WNT7A: variants seen among roughly 807,000 people sequenced by gnomAD.
WNT7A encodes Wnt family member 7A, also known as protein Wnt-7a.
Under a neutral mutation model 28.2 loss-of-function variants are expected in WNT7A, and 16 were observed. The observed-to-expected ratio is 0.57, with a 90% confidence interval of 0.38 to 0.86. The LOEUF (loss-of-function observed/expected upper bound fraction) is 0.86. Among genes scored for constraint, WNT7A ranks in the 40% least tolerant of loss-of-function variants. The probability of loss-of-function intolerance (pLI) is 0.00; values close to 1 mark genes in which losing one functional copy is unlikely to be tolerated. For synonymous variants in WNT7A, 190 were observed against 195.9 expected (o/e 0.97, Z 0.25); for missense variants, 411 against 489.7 (o/e 0.84, Z 1.52).
rs758924444 is a variant in WNT7A, at chr3:13,819,364, G to T, written c.630C>A (p.Thr210=). 1 of 1,613,492 alleles carries T rather than the reference G, an allele frequency of 6.2e-7. No individual in the cohort carries two copies. Among genetic ancestry groups the T allele is most frequent in the Non-Finnish European group, 8.5e-7 (1 of 1,179,754 alleles). Reference sequence around the variant, plus strand: ...GCAGTGTGGTCCAGCACGTCTTGGTGGTGCACGAGCCTGACACGCCGTGGC... The same window carrying T: ...GCAGTGTGGTCCAGCACGTCTTGGTTGTGCACGAGCCTGACACGCCGTGGC... ...CKCHGVSGSC[T]TKTCWTTLPQ... The change falls in exon 4 of 4, where the codon ACC becomes ACA. Residue 210 remains threonine (T), a synonymous_variant. Transcript: ENST00000285018.
intron 2 of WNT7A, among the ~76,000 whole-genome samples, chr3:13,868,594 G>T (rs1223913167): frequency 9.1e-5 from 1 of 10,964 alleles, no homozygotes; most frequent in African/African-American, 4.2e-4. Flanking sequence ...GAGAGAGGGA[G>T]AAAGAAAGAA....
intron 3 of WNT7A, among the ~76,000 whole-genome samples, chr3:13,836,836 C>T (rs1318582902): frequency 6.6e-6 from 1 of 152,218 alleles, no homozygotes; most frequent in Non-Finnish European, 1.5e-5. Context: ...TGTGCCTGAG[C>T]AGGAGTGCAA....
chr3:13,856,960 A>AAGGAGAAGAAGAAGGAGAAGG (rs1294119465), intron 2 of WNT7A, among the ~76,000 whole-genome samples: 1 of 117,472 alleles, frequency 8.5e-6, no homozygotes, highest in Non-Finnish European at 1.6e-5. Context: ...GAAGAAGAAG[A>AAGGAGAAGAAGAAGGAGAAGG]AGAAGAAGGA....
chr3:13,845,288 G>A (rs9860045), intron 3 of WNT7A, among the ~76,000 whole-genome samples: 3,685 of 152,036 alleles, frequency 0.024, 155 homozygotes, highest in African/African-American at 0.084. Context: ...CCCTTACTCC[G>A]TGCCCGCCAC....
rs546145028 is a variant in WNT7A, at chr3:13,854,702, C to T, written c.400G>A (p.Asp134Asn). Reference sequence around the variant, plus strand: ...TGGTACTGGCCTTGCTTCTCTTTGTCGCAGCCACAGTCGCTCAGGTTGCCC... The same window carrying T: ...TGGTACTGGCCTTGCTTCTCTTTGTTGCAGCCACAGTCGCTCAGGTTGCCC... ...TQGNLSDCGC[D>N]KEKQGQYHRD... is the part of the protein sequence containing the mutation. Residue 134 changes from aspartate to asparagine, a missense_variant, in exon 3 of 4, where the codon GAC becomes AAC. Asp to Asn is a conservative substitution (Grantham distance 23). Transcript: ENST00000285018. The T allele has an allele frequency of 2.5e-5, 40 of 1,614,038 alleles. No homozygotes were observed. The highest frequency in any genetic ancestry group is 3.1e-5 in the Non-Finnish European group (36 of 1,180,046).
chr3:13,868,391 C>G (rs576523062), intron 2 of WNT7A, among the ~76,000 whole-genome samples: 5 of 151,588 alleles, frequency 3.3e-5, no homozygotes, highest in Admixed American at 2.0e-4. Flanking sequence ...GGAAGGATTG[C>G]TTGAGCCCAG....
chr3:13,836,234 A>T (rs2124840842), intron 3 of WNT7A, among the ~76,000 whole-genome samples: 1 of 149,900 alleles, frequency 6.7e-6, no homozygotes, highest in East Asian at 2.0e-4. Context: ...AAGAGACCCC[A>T]TTGGGCCAGT....
chr3:13,850,325 A>G (rs1694608823), intron 3 of WNT7A, among the ~76,000 whole-genome samples: 1 of 152,212 alleles, frequency 6.6e-6, no homozygotes, highest in African/African-American at 2.4e-5. Flanking sequence ...ATAGCTGAGC[A>G]GGCCTTATCT....
At chr3:13,831,420 G>A (rs111289861) in intron 3 of WNT7A, among the ~76,000 whole-genome samples, 78 of 152,334 alleles carry the variant, frequency 5.1e-4, no homozygotes, top group African/African-American at 1.8e-3. Flanking sequence ...AACTGGTATT[G>A]GAGTCCAGCA....
intron 3 of WNT7A, among the ~76,000 whole-genome samples, chr3:13,851,146 G>A (rs1694631107): frequency 6.6e-6 from 1 of 152,180 alleles, no homozygotes; most frequent in Non-Finnish European, 1.5e-5. Context: ...GCTGGGTTTA[G>A]GCACCAACCG....
chr3:13,868,653 A>G (rs1694957222), intron 2 of WNT7A, among the ~76,000 whole-genome samples: 2 of 13,322 alleles, frequency 1.5e-4, no homozygotes, highest in Admixed American at 5.2e-4. Flanking sequence ...GAAAGAAAAA[A>G]AGGAGGGAGG....
At chr3:13,856,963 A>AAGAAGAAGGAGAAGGAGAAGG (rs1559303383) in intron 2 of WNT7A, among the ~76,000 whole-genome samples, 1 of 115,306 alleles carries the variant, frequency 8.7e-6, no homozygotes, top group Non-Finnish European at 1.7e-5. Context: ...GAAGAAGAAG[A>AAGAAGAAGGAGAAGGAGAAGG]AGAAGGAGAA....
intron 3 of WNT7A, among the ~76,000 whole-genome samples, chr3:13,819,962 C>G (rs1694083499): frequency 6.6e-6 from 1 of 152,190 alleles, no homozygotes; most frequent in South Asian, 2.1e-4. Flanking sequence ...AACATTTTAC[C>G]CAACACCCAG....
At position 13,816,331 on chromosome 3, in the gene WNT7A, T is replaced by C. The variant is rs900687658; in HGVS notation, c.*2613A>G. On this transcript the variant is annotated 3_prime_UTR_variant, in exon 4 of 4. Coordinates refer to ENST00000285018, the MANE Select transcript of WNT7A (RefSeq NM_004625.4). Reference sequence around the variant, plus strand: ...GGATCCTCACAACAGCCCTGTGAGGTAGGTGTTATTCTGATTTCACAGGTG... The same window carrying C: ...GGATCCTCACAACAGCCCTGTGAGGCAGGTGTTATTCTGATTTCACAGGTG... 6.6e-6 allele frequency: 1 copy of C among 152,118 alleles called. No homozygotes were observed. The highest frequency in any genetic ancestry group is 1.5e-5 in the Non-Finnish European group (1 of 68,034). The allele number at this position is 152,118 out of a possible 1,614,324, so 9.4% of individuals were successfully genotyped here.
chr3:13,854,715 G>C lies in WNT7A; in HGVS notation c.387C>G (p.Ser129Arg). Residue 129 changes from serine to arginine, a missense_variant, in exon 3 of 4, where the codon AGC (serine) becomes AGG (arginine). Ser to Arg is a moderately radical substitution (Grantham distance 110). Coordinates refer to ENST00000285018, the MANE Select transcript of WNT7A (RefSeq NM_004625.4). ...ITAACTQGNL[S>R]DCGCDKEKQG... ...GCTTCTCTTTGTCGCAGCCACAGTC[G>C]CTCAGGTTGCCCTGGGTACAGGCAG... The C allele has an allele frequency of 6.2e-7, 1 of 1,614,064 alleles. No individual in the cohort carries two copies. Among genetic ancestry groups the C allele is most frequent in the Non-Finnish European group, 8.5e-7 (1 of 1,180,036 alleles).
At chr3:13,854,452 AC>A in intron 3 of WNT7A, 79 bp downstream of exon 3, 1 of 1,606,238 alleles carries the variant, frequency 6.2e-7, no homozygotes, top group Non-Finnish European at 8.5e-7. Context: ...CTCAACAGAC[AC>A]CCAGCACCAG....
intron 3 of WNT7A, among the ~76,000 whole-genome samples, chr3:13,847,685 C>T (rs1694561449): frequency 6.6e-6 from 1 of 152,012 alleles, no homozygotes; most frequent in African/African-American, 2.4e-5. Flanking sequence ...AGACATTACG[C>T]TAACTGAAAT....
chr3:13,839,838 C>G (rs937519365), intron 3 of WNT7A, among the ~76,000 whole-genome samples: 2 of 152,178 alleles, frequency 1.3e-5, no homozygotes, highest in Non-Finnish European at 2.9e-5. Context: ...AGTTGTAAAC[C>G]ATTGAGAGCG....
intron 3 of WNT7A, among the ~76,000 whole-genome samples, chr3:13,848,067 T>TAA (rs58146750): frequency 0.24 from 35,937 of 151,530 alleles, 4,802 homozygotes; most frequent in East Asian, 0.54. Context: ...ATGAATTTTT[T>TAA]AAAAAAAACA....
Sources: gnomAD v4.1 joint callset for allele counts (sites outside exome capture counted in the v4.1 genomes callset) on GRCh38, gnomAD v4.1.1 for gene constraint, MANE v1.5 for transcripts, NCBI Gene and HGNC (gene_info 2026-07-23, HGNC 2026-07-21) for gene names.